Variants in AGAP1 observed in about 807,000 individuals in gnomAD.
The protein encoded by AGAP1 is ArfGAP with GTPase domain, ankyrin repeat and PH domain 1, also known as arf-GAP with GTPase, ANK repeat and PH domain-containing protein 1.
In AGAP1, 29 loss-of-function variants were observed where a neutral mutation model predicts 105.3. The ratio of observed to expected loss-of-function variants is 0.28; its 90% CI spans 0.21 to 0.38. The LOEUF is 0.38. Ranked by LOEUF, AGAP1 falls within the 10% of genes least tolerant of loss-of-function variation. The probability of loss-of-function intolerance (pLI) is 1.00; values close to 1 mark genes in which losing one functional copy is unlikely to be tolerated. For synonymous variants in AGAP1, 509 were observed against 485.9 expected (o/e 1.05, Z -0.63); for missense variants, 998 against 1,165.1 (o/e 0.86, Z 2.09).
chr2:236,010,626 G>A (rs927224881), intron 13 of AGAP1, among the ~76,000 whole-genome samples: 3 of 152,148 alleles, frequency 2.0e-5, no homozygotes, highest in African/African-American at 4.8e-5. Flanking sequence ...GTCCACGTTA[G>A]GATCGTGGTA....
intron 3 of AGAP1, chr2:235,718,370 A>T: frequency 2.0e-6 from 2 of 985,712 alleles, no homozygotes; most frequent in Non-Finnish European, 2.4e-6. Flanking sequence ...TGGCTGTTCC[A>T]TTCTTTGCAG....
At chr2:235,618,157 C>T (rs1003601710) in intron 1 of AGAP1, among the ~76,000 whole-genome samples, 3 of 152,002 alleles carry the variant, frequency 2.0e-5, no homozygotes, top group Non-Finnish European at 4.4e-5. Flanking sequence ...ACTGTTACTG[C>T]GTTGATGATG....
intron 16 of AGAP1, among the ~76,000 whole-genome samples, chr2:236,112,594 C>G (rs2059676550): frequency 6.6e-6 from 1 of 152,220 alleles, no homozygotes; most frequent in African/African-American, 2.4e-5. Context: ...TGTGCAGCAC[C>G]TGCTTTCTGT....
intron 16 of AGAP1, among the ~76,000 whole-genome samples, chr2:236,074,553 A>G (rs2058587868): frequency 6.6e-6 from 1 of 152,250 alleles, no homozygotes; most frequent in South Asian, 2.1e-4. Context: ...AATAGTCTCC[A>G]TAAAACCTAA....
At chr2:236,047,608 T>TC (rs1421965050) in intron 15 of AGAP1, among the ~76,000 whole-genome samples, 1 of 128,846 alleles carries the variant, frequency 7.8e-6, no homozygotes, top group African/African-American at 3.1e-5. Context: ...CTTTTTTTTT[T>TC]TTTTTTTTTT....
chr2:235,580,689 T>C (rs1290328721), intron 1 of AGAP1, among the ~76,000 whole-genome samples: 1 of 152,210 alleles, frequency 6.6e-6, no homozygotes, highest in Non-Finnish European at 1.5e-5. Context: ...TTGTGTTTAG[T>C]TCTTTTTGAC....
At chr2:236,071,014 A>G (rs1269396160) in intron 16 of AGAP1, among the ~76,000 whole-genome samples, 3 of 152,212 alleles carry the variant, frequency 2.0e-5, no homozygotes, top group Non-Finnish European at 4.4e-5. Flanking sequence ...GGAAAAATCA[A>G]AGAGAGCATG....
intron 1 of AGAP1, among the ~76,000 whole-genome samples, chr2:235,656,712 T>C (rs1220311400): frequency 1.3e-5 from 2 of 152,212 alleles, no homozygotes; most frequent in African/African-American, 4.8e-5. Context: ...TGTCCAAGTG[T>C]GCGCTCACCA....
At chr2:235,746,219 G>A (rs977457920) in intron 5 of AGAP1, among the ~76,000 whole-genome samples, 20 of 151,578 alleles carry the variant, frequency 1.3e-4, no homozygotes, top group Non-Finnish European at 2.5e-4. Context: ...TGGGGAGATG[G>A]AGGTTGCAGT....
rs777928238 is a variant in AGAP1 at position 236,082,695 on chromosome 2, G to A, written c.2114+33414G>A. On this transcript the variant is annotated intron_variant, in intron 16 of 17. Coordinates refer to ENST00000304032, the MANE Select transcript of AGAP1 (RefSeq NM_001037131.3). The surrounding 1 kb of genome is among the most constrained non-coding windows in gnomAD (Gnocchi z 4.2). Reference sequence around the variant, plus strand: ...TTGAGACCAGCCTGGCCAACATGGCGAAACCCTGTCTCTACTAAAAATACA... The same window carrying A: ...TTGAGACCAGCCTGGCCAACATGGCAAAACCCTGTCTCTACTAAAAATACA... Among the ~76,000 whole-genome samples the A allele has an allele frequency of 5.3e-5, 8 of 152,184 alleles. No individual in the cohort carries two copies. The highest frequency in any genetic ancestry group is 1.2e-4 in the Non-Finnish European group (8 of 68,040).
intron 6 of AGAP1, among the ~76,000 whole-genome samples, chr2:235,783,141 CAGTG>C (rs1210876186): frequency 3.3e-5 from 5 of 151,930 alleles, no homozygotes; most frequent in South Asian, 2.1e-4. Flanking sequence ...CCATTTTTCT[CAGTG>C]AGCTTTGAAC....
In AGAP1 at chr2:235,752,130, G is replaced by T. The variant is rs2149720623; in HGVS notation, c.673+1642G>T. Reference sequence around the variant, plus strand: ...GTTGAAGTAAAGCGTCGTAGATGAAGGGTCCCCAGGCCCGTGCATGAGGCC... The same window carrying T: ...GTTGAAGTAAAGCGTCGTAGATGAATGGTCCCCAGGCCCGTGCATGAGGCC... On this transcript the variant is annotated intron_variant, in intron 6 of 17. Transcript: ENST00000304032. This position sits in a 1 kb window ranked among gnomAD's most constrained non-coding sequence, Gnocchi z 4.3. Among the ~76,000 whole-genome samples, 1 of 152,324 alleles carries T rather than the reference G, an allele frequency of 6.6e-6. No homozygotes were observed. Among genetic ancestry groups the T allele is most frequent in the South Asian group, 2.1e-4 (1 of 4,824 alleles).
At chr2:235,868,375 A>G (rs147840515) in intron 9 of AGAP1, among the ~76,000 whole-genome samples, 1 of 152,304 alleles carries the variant, frequency 6.6e-6, no homozygotes, top group East Asian at 1.9e-4. Context: ...AGTCAGATGC[A>G]TGCACGGCCC....
intron 8 of AGAP1, among the ~76,000 whole-genome samples, chr2:235,803,490 T>C (rs1386889711): frequency 6.6e-6 from 1 of 152,246 alleles, no homozygotes; most frequent in Non-Finnish European, 1.5e-5. Context: ...ATGCATGATA[T>C]GCAGACAATC....
intron 1 of AGAP1, among the ~76,000 whole-genome samples, chr2:235,624,396 C>G (rs1946575028): frequency 6.6e-6 from 1 of 152,152 alleles, no homozygotes; most frequent in Non-Finnish European, 1.5e-5. Flanking sequence ...AGATGGTGCT[C>G]TGTGTGCATG....
intron 12 of AGAP1, among the ~76,000 whole-genome samples, chr2:235,937,972 G>T (rs1339891452): frequency 6.6e-6 from 1 of 152,280 alleles, no homozygotes; most frequent in African/African-American, 2.4e-5. Context: ...AATTCAGTAA[G>T]AATCCTTCCC....
intron 1 of AGAP1, among the ~76,000 whole-genome samples, chr2:235,643,528 T>A (rs913835535): frequency 2.7e-5 from 4 of 148,106 alleles, no homozygotes; most frequent in Non-Finnish European, 5.9e-5. Context: ...CAAGGAGCAA[T>A]GATCATCATA....
Position 235,751,424 on chromosome 2 carries a change from C to T in AGAP1, c.673+936C>T, listed in dbSNP as rs1282925246. Among the ~76,000 whole-genome samples, 2 of 152,086 alleles carry T rather than the reference C, an allele frequency of 1.3e-5. No homozygotes were observed. Among genetic ancestry groups the T allele is most frequent in the African/African-American group, 4.8e-5 (2 of 41,418 alleles). On this transcript the variant is annotated intron_variant, in intron 6 of 17. Coordinates refer to ENST00000304032, the MANE Select transcript of AGAP1 (RefSeq NM_001037131.3). The surrounding 1 kb of genome is among the most constrained non-coding windows in gnomAD (Gnocchi z 5.3). Reference sequence around the variant, plus strand: ...GCCCAGGGGGTTGTCGGGGGCAGAGCAGGGCAGCCACACTCGGGCTCTCCA... The same window carrying T: ...GCCCAGGGGGTTGTCGGGGGCAGAGTAGGGCAGCCACACTCGGGCTCTCCA...
intron 1 of AGAP1, among the ~76,000 whole-genome samples, chr2:235,500,556 T>TG (rs1941519440): frequency 6.6e-6 from 1 of 152,176 alleles, no homozygotes; most frequent in Non-Finnish European, 1.5e-5. Context: ...GCTGAGAAGG[T>TG]TTCCTATCAG....
Sources: gnomAD v4.1 joint callset for allele counts (sites outside exome capture counted in the v4.1 genomes callset) on GRCh38, gnomAD v4.1.1 for gene constraint, Gnocchi (gnomAD v3.1) non-coding constraint, MANE v1.5 for transcripts, NCBI Gene and HGNC (gene_info 2026-07-23, HGNC 2026-07-21) for gene names.